GALNT17: variants seen among roughly 807,000 people sequenced by gnomAD.
The protein encoded by GALNT17 is polypeptide N-acetylgalactosaminyltransferase 17, also known as UDP-GalNAc:polypeptide N-acetylgalactosaminyltransferase-like 3.
A neutral mutation model predicts 63.7 loss-of-function variants in GALNT17; 29 were observed. That is an observed-to-expected ratio of 0.46 (90% CI 0.34 to 0.62). The LOEUF (loss-of-function observed/expected upper bound fraction) is 0.62. Ranked by LOEUF, GALNT17 falls within the 20% of genes least tolerant of loss-of-function variation. The pLI is 0.01. For missense variants in GALNT17, 603 were observed against 799.6 expected (o/e 0.75, Z 2.97); for synonymous variants, 305 against 318.3 (o/e 0.96, Z 0.45).
chr7:71,236,624 C>G (rs1273780125), intron 1 of GALNT17, among the ~76,000 whole-genome samples: 1 of 152,166 alleles, frequency 6.6e-6, no homozygotes, highest in East Asian at 1.9e-4. Flanking sequence ...GGTGTTCCCT[C>G]TGCTGCCAAA....
chr7:71,432,563 G>T (rs1375665434), intron 5 of GALNT17, among the ~76,000 whole-genome samples: 1 of 152,202 alleles, frequency 6.6e-6, no homozygotes, highest in African/African-American at 2.4e-5. Context: ...TCTCTGGATT[G>T]TGCGGGGTTT....
At chr7:71,692,981 C>T (rs561025269) in intron 9 of GALNT17, among the ~76,000 whole-genome samples, 28 of 151,428 alleles carry the variant, frequency 1.8e-4, no homozygotes, top group South Asian at 8.3e-4. Flanking sequence ...TCAAGTGATC[C>T]GCCCACCTCG....
intron 6 of GALNT17, among the ~76,000 whole-genome samples, chr7:71,627,176 T>C (rs7781829): frequency 0.96 from 145,810 of 152,314 alleles, 70,110 homozygotes; most frequent in East Asian, 1. Context: ...TGGGCTTCAC[T>C]GCTGAGTGCA....
chr7:71,549,594 A>G (rs1330740959), intron 5 of GALNT17, among the ~76,000 whole-genome samples: 4 of 152,172 alleles, frequency 2.6e-5, no homozygotes, highest in Non-Finnish European at 5.9e-5. Context: ...ATAAATAGGT[A>G]GATGAATAAA....
intron 6 of GALNT17, among the ~76,000 whole-genome samples, chr7:71,663,044 C>A (rs1790933090): frequency 6.6e-6 from 1 of 152,064 alleles, no homozygotes; most frequent in South Asian, 2.1e-4. Flanking sequence ...ACTTTCAGTT[C>A]TATTCCATTG....
chr7:71,312,517 A>G (rs964850516), intron 1 of GALNT17, among the ~76,000 whole-genome samples: 2 of 152,222 alleles, frequency 1.3e-5, no homozygotes, highest in African/African-American at 4.8e-5. Context: ...TCTGGTTTAA[A>G]CAACAGAAAT....
At chr7:71,456,091 C>A (rs1787350381) in intron 5 of GALNT17, among the ~76,000 whole-genome samples, 1 of 151,834 alleles carries the variant, frequency 6.6e-6, no homozygotes, top group Non-Finnish European at 1.5e-5. Context: ...ACTTAAAATA[C>A]AAAAATTATC....
chr7:71,345,214 C>T (rs1202853027), intron 2 of GALNT17, among the ~76,000 whole-genome samples: 3 of 144,088 alleles, frequency 2.1e-5, no homozygotes, highest in African/African-American at 7.7e-5. Flanking sequence ...TAGTAATTAT[C>T]TGCTTTTCCG....
rs564584873 is a variant in GALNT17, at chr7:71,374,813, T to C, written c.423-13422T>C. ...GTATAGGATCTGACTGAAAGGTGCA[T>C]TTGGCTTGTTCTTGAGGAGGATTTT... On this transcript the variant is annotated intron_variant, in intron 2 of 10. Transcript: ENST00000333538. Among the ~76,000 whole-genome samples the C allele has an allele frequency of 3.3e-5, 5 of 150,318 alleles. No individual in the cohort carries two copies. The South Asian group carries it at 1.0e-3, about 32-fold the overall frequency.
intron 5 of GALNT17, among the ~76,000 whole-genome samples, chr7:71,434,906 A>G (rs1786931721): frequency 6.6e-6 from 1 of 152,184 alleles, no homozygotes; most frequent in Non-Finnish European, 1.5e-5. Context: ...CAAACAAACA[A>G]AAACCCTCCA....
chr7:71,254,253 G>A (rs79178043), intron 1 of GALNT17, among the ~76,000 whole-genome samples: 2,098 of 152,248 alleles, frequency 0.014, 45 homozygotes, highest in African/African-American at 0.048. Flanking sequence ...TGGAGGTCAA[G>A]GTTTTTATCA....
chr7:71,201,925 G>T (rs373153251), intron 1 of GALNT17, among the ~76,000 whole-genome samples: 4 of 152,174 alleles, frequency 2.6e-5, no homozygotes, highest in Non-Finnish European at 5.9e-5. Context: ...GAGCCACTGC[G>T]CCTGGCCTAC....
At chr7:71,260,983 C>T (rs1345306953) in intron 1 of GALNT17, among the ~76,000 whole-genome samples, 4 of 152,158 alleles carry the variant, frequency 2.6e-5, no homozygotes, top group African/African-American at 9.7e-5. Context: ...GAGATGACAT[C>T]CTATTGATCG....
At chr7:71,391,841 T>G (rs1031140630) in intron 3 of GALNT17, among the ~76,000 whole-genome samples, 12 of 152,116 alleles carry the variant, frequency 7.9e-5, no homozygotes, top group African/African-American at 2.9e-4. Context: ...CTGCAGAATG[T>G]ACAAGAACCA....
intron 5 of GALNT17, among the ~76,000 whole-genome samples, chr7:71,464,838 A>G (rs1293109462): frequency 6.6e-6 from 1 of 150,708 alleles, no homozygotes; most frequent in Non-Finnish European, 1.5e-5. Context: ...CATCCTCAAT[A>G]CACATTAGTT....
rs767403074 is a variant in GALNT17, at chr7:71,545,732, AT to A, written c.963-25552del. On this transcript the variant is annotated intron_variant, in intron 5 of 10. Transcript: ENST00000333538. Reference sequence around the variant, plus strand: ...TTATGTCAAGTTCTTGAGAGTTCTAATCTTACTGTATTTGCTGAGTCTTACT... The same window carrying A: ...TTATGTCAAGTTCTTGAGAGTTCTAACTTACTGTATTTGCTGAGTCTTACT... Among the ~76,000 whole-genome samples, 292 of 152,202 alleles carry A rather than the reference AT, an allele frequency of 1.9e-3. 1 individual carries two copies. Among genetic ancestry groups the A allele is most frequent in the Middle Eastern group, 6.8e-3 (2 of 294 alleles).
At chr7:71,316,308 C>G (rs935021851) in intron 1 of GALNT17, among the ~76,000 whole-genome samples, 5 of 137,312 alleles carry the variant, frequency 3.6e-5, no homozygotes, top group African/African-American at 1.3e-4. Context: ...GAGAATGGAA[C>G]AGGGTGGGCT....
intron 1 of GALNT17, among the ~76,000 whole-genome samples, chr7:71,245,587 A>G (rs2116477255): frequency 1.3e-5 from 2 of 152,200 alleles, no homozygotes; most frequent in South Asian, 2.1e-4. Context: ...CGTATGTGCA[A>G]CCTCTAGTTC....
chr7:71,327,166 CAGG>C (rs1791719297), intron 1 of GALNT17, among the ~76,000 whole-genome samples: 1 of 152,166 alleles, frequency 6.6e-6, no homozygotes, highest in Non-Finnish European at 1.5e-5. Flanking sequence ...CATGGGACCA[CAGG>C]AGAAGTCTTC....
Sources: gnomAD v4.1 joint callset for allele counts (sites outside exome capture counted in the v4.1 genomes callset) on GRCh38, gnomAD v4.1.1 for gene constraint, MANE v1.5 for transcripts, NCBI Gene and HGNC (gene_info 2026-07-23, HGNC 2026-07-21) for gene names.